Variants in AGRN observed in about 807,000 individuals in gnomAD.
AGRN encodes the protein agrin, also known as agrin proteoglycan.
A neutral mutation model predicts 211.0 loss-of-function variants in AGRN; 106 were observed. The ratio of observed to expected loss-of-function variants is 0.50; its 90% CI spans 0.43 to 0.59. AGRN has a LOEUF of 0.59. Among genes scored for constraint, AGRN ranks in the 20% least tolerant of loss-of-function variants. AGRN has a pLI of 0.00. For missense variants in AGRN, 3,040 were observed against 2,982.6 expected (o/e 1.02, Z -0.45); for synonymous variants, 1,525 against 1,332.5 (o/e 1.14, Z -3.15).
chr1:1,038,099 GGGA>G (rs1644844425), intron 3 of AGRN, among the ~76,000 whole-genome samples: 1 of 152,180 alleles, frequency 6.6e-6, no homozygotes, highest in Non-Finnish European at 1.5e-5. Context: ...GGGGATAGGA[GGGA>G]GGGACCAGCA....
chr1:1,053,915 C>G lies in AGRN; in HGVS notation c.5814C>G (p.Pro1938=), dbSNP rs369308183. The G allele has an allele frequency of 3.1e-6, 5 of 1,606,228 alleles. No individual in the cohort carries two copies. The highest frequency in any genetic ancestry group is 4.2e-6 in the Non-Finnish European group (5 of 1,177,188). Residue 1938 remains proline (P), a synonymous_variant, in exon 34 of 36, where the codon CCC becomes CCG. Coordinates refer to ENST00000379370, the MANE Select transcript of AGRN (RefSeq NM_198576.4). ...TGAGCTACAACCTGGGCTCCCAGCC[C>G]GTGGTGCTGCGTTCCACCGTGCCCG... ...LQLSYNLGSQ[P]VVLRSTVPVN...
At chr1:1,042,519 C>T (rs1483549048) in intron 7 of AGRN, among the ~76,000 whole-genome samples, 8 of 152,180 alleles carry the variant, frequency 5.3e-5, no homozygotes, top group Admixed American at 2.0e-4. Context: ...GGGCAGCCGT[C>T]GGCCGTTTTG....
intron 3 of AGRN, among the ~76,000 whole-genome samples, chr1:1,039,675 A>C (rs1417425187): frequency 5.9e-5 from 9 of 152,110 alleles, no homozygotes; most frequent in Middle Eastern, 3.4e-3. Flanking sequence ...TGGTGATGGG[A>C]CGTGTGTCAG....
In AGRN at chr1:1,049,695, C is replaced by G. The variant is rs752280977; in HGVS notation, c.4644C>G (p.Cys1548Trp). 4 of 1,573,590 alleles carry G rather than the reference C, an allele frequency of 2.5e-6. No individual in the cohort carries two copies. The highest frequency in any genetic ancestry group is 3.4e-6 in the Non-Finnish European group (4 of 1,161,048). The stretch of plus-strand genomic sequence containing the variant: ...CCCGAGGCTCTGGCGTGGGCGAGTG[C>G]GGGGACCACCCCTGCCTGCCCAACC... ...AATRGSGVGECGDHPCLPNPC... is the reference protein window; with the variant it reads ...AATRGSGVGEWGDHPCLPNPC... The change falls in exon 26 of 36, where the codon TGC becomes TGG. Residue 1548 changes from cysteine to tryptophan, a missense_variant. Physicochemically the swap from Cys to Trp is radical, Grantham distance 215. Around this residue, in one of 3 missense-constraint regions of AGRN, gnomAD observed 1,537 missense variants for 1,505.0 expected, o/e 1.02. Coordinates refer to ENST00000379370, the MANE Select transcript of AGRN (RefSeq NM_198576.4).
At chr1:1,024,734 C>T (rs1237064102) in intron 2 of AGRN, among the ~76,000 whole-genome samples, 1 of 152,146 alleles carries the variant, frequency 6.6e-6, no homozygotes, top group African/African-American at 2.4e-5. Flanking sequence ...TCTTCCTGGC[C>T]CTGCCCAGCC....
At chr1:1,029,787 G>A in intron 2 of AGRN, among the ~76,000 whole-genome samples, 1 of 101,848 alleles carries the variant, frequency 9.8e-6, no homozygotes, top group Non-Finnish European at 2.1e-5. Context: ...GTGAGATCGT[G>A]TGTGTGTATG....
chr1:1,049,879 C>T (rs1645225563), intron 26 of AGRN, 24 bp from the exon 27 acceptor site: 1 of 1,611,322 alleles, frequency 6.2e-7, no homozygotes. Context: ...GACCTCGGTC[C>T]CGGTCCCGTC....
intron 2 of AGRN, among the ~76,000 whole-genome samples, chr1:1,027,335 T>C (rs1188441994): frequency 6.6e-6 from 1 of 152,226 alleles, no homozygotes; most frequent in African/African-American, 2.4e-5. Context: ...CCTCCACTAG[T>C]GGGCCATGGT....
chr1:1,034,425 CTG>C (rs1557693343), intron 2 of AGRN: 1 of 985,798 alleles, frequency 1.0e-6, no homozygotes, highest in Non-Finnish European at 1.2e-6. Context: ...TGGGTGAACT[CTG>C]AGGGCACAGC....
rs549864585 is a variant in AGRN, at chr1:1,037,842, G to T, written c.511+2518G>T. Among the ~76,000 whole-genome samples the T allele has an allele frequency of 1.1e-4, 16 of 152,294 alleles. No individual in the cohort carries two copies. The South Asian group carries it at 3.3e-3, about 32-fold the overall frequency. On this transcript the variant is annotated intron_variant, in intron 3 of 35. Coordinates refer to ENST00000379370, the MANE Select transcript of AGRN (RefSeq NM_198576.4). ...CAGCTGGCAGGGGAGACATCTCGGG[G>T]CGTGGCTGCTGCAATGCGCTGTGCC...
rs200684031 is a variant in AGRN, at chr1:1,045,759, G to A, written c.2563G>A (p.Val855Met). The change falls in exon 15 of 36, where the codon GTG (valine) becomes ATG (methionine). Residue 855 changes from valine (V) to methionine (M), a missense_variant. By Grantham distance (21) the Val-to-Met change is conservative. This residue lies in a region of AGRN where 1,498 missense variants were observed against 1,457.8 expected (regional missense o/e 1.03). Transcript: ENST00000379370. ...TPCSCDPQGA[V>M]RDDCEQMTGL... ...CTGCAGCTGTGATCCCCAAGGCGCC[G>A]TGCGGGATGACTGTGAGCAGATGAC... 1.2e-4 allele frequency: 192 copies of A among 1,613,426 alleles called. 1 individual carries two copies. The East Asian group carries it at 3.9e-3, about 33-fold the overall frequency.
intron 1 of AGRN, among the ~76,000 whole-genome samples, chr1:1,021,037 A>G (rs1259726312): frequency 2.0e-5 from 3 of 151,966 alleles, no homozygotes. Context: ...TGGGACCCCC[A>G]CCATCTTCTC....
At position 1,048,613 on chromosome 1, in the gene AGRN, A is replaced by G. The variant is rs1207637294; in HGVS notation, c.4105+248A>G. ...TGGAGACACTCTGTCTCTACTAAAA[A>G]TACAAAATTAGCCGGGCGTGGTGGT... On this transcript the variant is annotated intron_variant, in intron 23 of 35. Transcript: ENST00000379370. The surrounding 1 kb of genome is among the most constrained non-coding windows in gnomAD (Gnocchi z 5.9). 1.7e-6 allele frequency: 1 copy of G among 594,836 alleles called. No individual in the cohort carries two copies. The allele number at this position is 594,836 out of a possible 1,614,324, so 36.8% of individuals were successfully genotyped here.
At chr1:1,033,203 C>A (rs1644711614) in intron 2 of AGRN, among the ~76,000 whole-genome samples, 1 of 152,016 alleles carries the variant, frequency 6.6e-6, no homozygotes, top group African/African-American at 2.4e-5. Context: ...TCGGGGGCGC[C>A]GGCGACTGGA....
chr1:1,050,410 A>G lies in AGRN; in HGVS notation c.4977-17A>G, dbSNP rs1258220560. On this transcript the variant is annotated splice_polypyrimidine_tract_variant and intron_variant, in intron 28 of 35. Transcript: ENST00000379370. Reference sequence around the variant, plus strand: ...GGGAGGGGACAGCAAAGACACCCCGACTCCCCATGACCCCAGGGAGAAGAT... The same window carrying G: ...GGGAGGGGACAGCAAAGACACCCCGGCTCCCCATGACCCCAGGGAGAAGAT... 1.2e-6 allele frequency: 2 copies of G among 1,611,930 alleles called. No homozygotes were observed. The highest frequency in any genetic ancestry group is 1.1e-5 in the South Asian group (1 of 91,044).
intron 1 of AGRN, among the ~76,000 whole-genome samples, chr1:1,021,501 C>G (rs1482950284): frequency 2.6e-5 from 4 of 152,230 alleles, no homozygotes; most frequent in Non-Finnish European, 5.9e-5. Flanking sequence ...CCCCAGCCCC[C>G]CAGATCTGAG....
chr1:1,022,579 A>G lies in AGRN; in HGVS notation c.463+117A>G. On this transcript the variant is annotated intron_variant, in intron 2 of 35. Transcript: ENST00000379370. Reference sequence around the variant, plus strand: ...CGTGCTGTGCCGGAGGCTGCAGCACACGGTGTCTTGTGGTCCAACCTCATT... The same window carrying G: ...CGTGCTGTGCCGGAGGCTGCAGCACGCGGTGTCTTGTGGTCCAACCTCATT... The G allele has an allele frequency of 1.2e-5, 6 of 493,672 alleles. No individual in the cohort carries two copies. The South Asian group carries it at 1.6e-4, about 13-fold the overall frequency. 30.6% of individuals were successfully genotyped at this position (493,672 alleles called of 1,614,324 possible).
intron 30 of AGRN, 107 bp from the exon 31 acceptor site, chr1:1,051,146 C>T (rs928772094): frequency 2.0e-6 from 3 of 1,520,860 alleles, no homozygotes; most frequent in Admixed American, 2.0e-5. Context: ...TTAACGCTGC[C>T]CCCTAGATAG....
At position 1,041,411 on chromosome 1, in the gene AGRN, C is replaced by CGGGCGCACGGCTCGAGCTCTGT. The variant is rs1644932943; in HGVS notation, c.952+21_953-39dup. ...ACGGCCCTTGTGGTGAGCGCGGCGGCGGGCGCACGGCTCGAGCTCTGTGGG... is the reference window on the plus strand; with the variant it reads ...ACGGCCCTTGTGGTGAGCGCGGCGGCGGGCGCACGGCTCGAGCTCTGTGGGCGCACGGCTCGAGCTCTGTGGG... On this transcript the variant is annotated intron_variant, in intron 5 of 35. Coordinates refer to ENST00000379370, the MANE Select transcript of AGRN (RefSeq NM_198576.4). The CGGGCGCACGGCTCGAGCTCTGT allele has an allele frequency of 6.5e-7, 1 of 1,542,598 alleles. No individual in the cohort carries two copies. Among genetic ancestry groups the CGGGCGCACGGCTCGAGCTCTGT allele is most frequent in the Non-Finnish European group, 8.7e-7 (1 of 1,150,748 alleles).
Sources: gnomAD v4.1 joint callset for allele counts (sites outside exome capture counted in the v4.1 genomes callset) on GRCh38, gnomAD v4.1.1 for gene constraint, gnomAD v4.1.1 regional missense constraint, Gnocchi (gnomAD v3.1) non-coding constraint, MANE v1.5 for transcripts, NCBI Gene and HGNC (gene_info 2026-07-23, HGNC 2026-07-21) for gene names.